IRF5: variants seen among roughly 807,000 people sequenced by gnomAD.
The protein encoded by IRF5 is interferon regulatory factor 5.
Under a neutral mutation model 55.1 loss-of-function variants are expected in IRF5, and 24 were observed. That is an observed-to-expected ratio of 0.44 (90% CI 0.32 to 0.61). The LOEUF (loss-of-function observed/expected upper bound fraction) is 0.61. Ranked by LOEUF, IRF5 falls within the 20% of genes least tolerant of loss-of-function variation. The pLI, the probability that IRF5 is intolerant of heterozygous loss-of-function variation, is 0.07. For missense variants in IRF5, 499 were observed against 658.5 expected (o/e 0.76, Z 2.65); for synonymous variants, 258 against 260.2 (o/e 0.99, Z 0.08).
chr7:128,946,185 C>T lies in IRF5; in HGVS notation c.385+151C>T. ...GGGGGCTCCCGCTAGGTCATGACAC[C>T]CAGGGCTTCCAGGAGTGGCTGGGAT... On this transcript the variant is annotated intron_variant, in intron 3 of 8. Coordinates refer to ENST00000357234, the MANE Select transcript of IRF5 (RefSeq NM_001098629.3). The surrounding 1 kb of genome is among the most constrained non-coding windows in gnomAD (Gnocchi z 4.2). 1.3e-6 allele frequency: 1 copy of T among 767,704 alleles called. No homozygotes were observed. The highest frequency in any genetic ancestry group is 2.8e-5 in the East Asian group (1 of 36,282). 47.6% of individuals were successfully genotyped at this position (767,704 alleles called of 1,614,324 possible). A position where few individuals can be genotyped will look rare whatever the true frequency, so the allele number is the denominator to read the frequency against.
At position 128,948,958 on chromosome 7, in the gene IRF5, G is replaced by A. The variant is rs909113180; in HGVS notation, c.*140G>A. The A allele has an allele frequency of 2.8e-6, 3 of 1,062,586 alleles. No homozygotes were observed. Among genetic ancestry groups the A allele is most frequent in the African/African-American group, 3.2e-5 (2 of 62,706 alleles). 65.8% of individuals were successfully genotyped at this position (1,062,586 alleles called of 1,614,324 possible). The stretch of plus-strand genomic sequence containing the variant: ...CCTGGAAGTGGATTTGGGCCAAGAA[G>A]GAGAGGGAGAAAGGCCCGAGCCCCT... On this transcript the variant is annotated 3_prime_UTR_variant, in exon 9 of 9. Coordinates refer to ENST00000357234, the MANE Select transcript of IRF5 (RefSeq NM_001098629.3). This position sits in a 1 kb window ranked among gnomAD's most constrained non-coding sequence, Gnocchi z 4.6.
chr7:128,941,125 G>A (rs190381520), intron 1 of IRF5, among the ~76,000 whole-genome samples: 31 of 152,336 alleles, frequency 2.0e-4, no homozygotes, highest in African/African-American at 6.5e-4. Context: ...GAGAGTTTCC[G>A]GTTCTGGGCT....
rs1247413134 is a variant in IRF5, at chr7:128,948,732, T to C, written c.1459T>C (p.Leu487=). ...LHHIWQSQQR[L]QPVAQAPPGA... ...TCACATCTGGCAGTCCCAGCAGCGG[T>C]TGCAGCCTGTGGCCCAGGCCCCTCC... The change falls in exon 9 of 9, where the codon TTG becomes CTG. Residue 487 remains leucine, a synonymous_variant. Coordinates refer to ENST00000357234, the MANE Select transcript of IRF5 (RefSeq NM_001098629.3). This position sits in a 1 kb window ranked among gnomAD's most constrained non-coding sequence, Gnocchi z 4.6. 2 of 1,613,570 alleles carry C rather than the reference T, an allele frequency of 1.2e-6. No homozygotes were observed. Among genetic ancestry groups the C allele is most frequent in the African/African-American group, 1.3e-5 (1 of 74,946 alleles).
In IRF5 at chr7:128,947,944, G is replaced by A. The variant is rs1053330362; in HGVS notation, c.1003G>A (p.Asp335Asn). 1.2e-5 allele frequency: 20 copies of A among 1,614,018 alleles called. No individual in the cohort carries two copies. Among genetic ancestry groups the A allele is most frequent in the Non-Finnish European group, 1.5e-5 (18 of 1,180,042 alleles). Residue 335 changes from aspartate (D) to asparagine (N), a missense_variant, in exon 7 of 9, where the codon GAT becomes AAT. Physicochemically the swap from Asp to Asn is conservative, Grantham distance 23. Transcript: ENST00000357234. This position sits in a 1 kb window ranked among gnomAD's most constrained non-coding sequence, Gnocchi z 6.5. Reference protein sequence around the residue: ...KQRFYTNQLLDVLDRGLILQL... With the variant: ...KQRFYTNQLLNVLDRGLILQL... ...GCGCTTCTACACGAACCAGCTGCTGGATGTCCTGGACCGCGGGCTCATCCT... is the reference window on the plus strand; with the variant it reads ...GCGCTTCTACACGAACCAGCTGCTGAATGTCCTGGACCGCGGGCTCATCCT...
Position 128,948,331 on chromosome 7 carries a change from A to G in IRF5, c.1299+3A>G, listed in dbSNP as rs1192957457. 2 of 1,585,538 alleles carry G rather than the reference A, an allele frequency of 1.3e-6. No homozygotes were observed. Among genetic ancestry groups the G allele is most frequent in the East Asian group, 2.2e-5 (1 of 44,700 alleles). On this transcript the variant is annotated splice_donor_region_variant and intron_variant, in intron 8 of 8. Coordinates refer to ENST00000357234, the MANE Select transcript of IRF5 (RefSeq NM_001098629.3). The surrounding 1 kb of genome is among the most constrained non-coding windows in gnomAD (Gnocchi z 4.6). ...AGAAGAAGCTCATTACTGTACAGGT[A>G]CATCTCCCCTATCCCAAAGTCGGCC... is the stretch of plus-strand genomic sequence containing the variant.
rs1292846432 is a variant in IRF5 at position 128,947,370 on chromosome 7, C to T, written c.622C>T (p.Pro208Ser). The change falls in exon 6 of 9, where the codon CCC becomes TCC. Residue 208 changes from proline to serine, a missense_variant. Physicochemically the swap from Pro to Ser is moderately conservative, Grantham distance 74 (BLOSUM62 -1). Transcript: ENST00000357234. The surrounding 1 kb of genome is among the most constrained non-coding windows in gnomAD (Gnocchi z 6.5). Reference protein sequence around the residue: ...PTLQPPVVLGPPAPDPSPLAP... With the variant: ...PTLQPPVVLGSPAPDPSPLAP... Reference sequence around the variant, plus strand: ...TCTGCAGCCGCCCGTGGTGCTGGGTCCCCCTGCTCCAGACCCCAGCCCCCT... The same window carrying T: ...TCTGCAGCCGCCCGTGGTGCTGGGTTCCCCTGCTCCAGACCCCAGCCCCCT... 10 of 1,609,784 alleles carry T rather than the reference C, an allele frequency of 6.2e-6. No homozygotes were observed. The highest frequency in any genetic ancestry group is 1.7e-4 in the Middle Eastern group (1 of 6,034).
rs777185406 is a variant in IRF5, at chr7:128,948,311, A to C, written c.1282A>C (p.Lys428Gln). The C allele has an allele frequency of 8.7e-6, 14 of 1,608,288 alleles. No individual in the cohort carries two copies. The highest frequency in any genetic ancestry group is 1.3e-5 in the African/African-American group (1 of 74,298). ...EWPDRKPREK[K>Q]LITVQVVPVA... ...GCCTGACCGCAAACCCCGAGAGAAG[A>C]AGCTCATTACTGTACAGGTACATCT... The change falls in exon 8 of 9, where the codon AAG becomes CAG. Residue 428 changes from lysine to glutamine, a missense_variant. By Grantham distance (53) the Lys-to-Gln change is moderately conservative. Transcript: ENST00000357234. This position sits in a 1 kb window ranked among gnomAD's most constrained non-coding sequence, Gnocchi z 4.6.
At chr7:128,938,744 C>G (rs1795866440) in intron 1 of IRF5, among the ~76,000 whole-genome samples, 2 of 152,214 alleles carry the variant, frequency 1.3e-5, no homozygotes, top group South Asian at 4.1e-4. Context: ...TGTCCCAGAA[C>G]TTAAGAAGGC....
chr7:128,941,781 A>G (rs11761199), intron 1 of IRF5, among the ~76,000 whole-genome samples: 56,075 of 151,954 alleles, frequency 0.37, 11,593 homozygotes, highest in Middle Eastern at 0.51. Flanking sequence ...TCTCTGGCCA[A>G]CGGGCTGCTT....
In IRF5 at chr7:128,947,711, C is replaced by A; in HGVS notation, c.788-18C>A. 6.3e-7 allele frequency: 1 copy of A among 1,583,896 alleles called. No individual in the cohort carries two copies. The highest frequency in any genetic ancestry group is 1.1e-5 in the South Asian group (1 of 87,948). ...CGTGGGGCTCAAGGACGGGATGGGC[C>A]TGCCTTCTGCCCCACAGTGACCGAC... On this transcript the variant is annotated intron_variant, in intron 6 of 8. Coordinates refer to ENST00000357234, the MANE Select transcript of IRF5 (RefSeq NM_001098629.3). This position sits in a 1 kb window ranked among gnomAD's most constrained non-coding sequence, Gnocchi z 6.5.
Position 128,939,045 on chromosome 7 carries a change from G to A in IRF5, c.-12+996G>A, listed in dbSNP as rs1256173704. Among the ~76,000 whole-genome samples the A allele has an allele frequency of 4.0e-5, 6 of 150,740 alleles. No homozygotes were observed. In the East Asian group the frequency reaches 1.2e-3, roughly 30 times the overall value. On this transcript the variant is annotated intron_variant, in intron 1 of 8. Coordinates refer to ENST00000357234, the MANE Select transcript of IRF5 (RefSeq NM_001098629.3). ...CAGCGGAGCACGCGGGAGGGGTGGG[G>A]GCGGAGGGGAGGGGGGAGCAGGGGC...
At position 128,946,724 on chromosome 7, in the gene IRF5, C is replaced by A; in HGVS notation, c.447+162C>A. Reference sequence around the variant, plus strand: ...TTCTGAACGATAGGAGCACAGTCCCCACCTGCTCCTTCCCAGGGCATTGTC... The same window carrying A: ...TTCTGAACGATAGGAGCACAGTCCCAACCTGCTCCTTCCCAGGGCATTGTC... On this transcript the variant is annotated intron_variant, in intron 4 of 8. Transcript: ENST00000357234. This position sits in a 1 kb window ranked among gnomAD's most constrained non-coding sequence, Gnocchi z 4.2. 1.6e-6 allele frequency: 1 copy of A among 643,008 alleles called. No homozygotes were observed. The highest frequency in any genetic ancestry group is 2.8e-6 in the Non-Finnish European group (1 of 361,858). The allele number at this position is 643,008 out of a possible 1,614,324, so 39.8% of individuals were successfully genotyped here. A position where few individuals can be genotyped will look rare whatever the true frequency, so the allele number is the denominator to read the frequency against.
In IRF5 at chr7:128,947,807, G is replaced by A; in HGVS notation, c.866G>A (p.Arg289Gln). 6.2e-7 allele frequency: 1 copy of A among 1,613,644 alleles called. No homozygotes were observed. The highest frequency in any genetic ancestry group is 8.5e-7 in the Non-Finnish European group (1 of 1,179,886). Residue 289 changes from arginine (R) to glutamine (Q), a missense_variant, in exon 7 of 9, where the codon CGG becomes CAG. By Grantham distance (43) the Arg-to-Gln change is conservative (BLOSUM62 1). This residue lies in a region of IRF5 where 194 missense variants were observed against 318.3 expected (regional missense o/e 0.61). Coordinates refer to ENST00000357234, the MANE Select transcript of IRF5 (RefSeq NM_001098629.3). This position sits in a 1 kb window ranked among gnomAD's most constrained non-coding sequence, Gnocchi z 6.5. The part of the protein sequence containing the change: ...ALTISNPHGC[R>Q]LFYSQLEATQ... Reference sequence around the variant, plus strand: ...ACCATCAGCAACCCCCATGGCTGCCGGCTCTTCTACAGCCAGCTGGAGGCC... The same window carrying A: ...ACCATCAGCAACCCCCATGGCTGCCAGCTCTTCTACAGCCAGCTGGAGGCC...
chr7:128,947,778 C>T lies in IRF5; in HGVS notation c.837C>T (p.Ala279=). The change falls in exon 7 of 9, where the codon GCC becomes GCT. Residue 279 remains alanine (A), a synonymous_variant. Coordinates refer to ENST00000357234, the MANE Select transcript of IRF5 (RefSeq NM_001098629.3). The surrounding 1 kb of genome is among the most constrained non-coding windows in gnomAD (Gnocchi z 6.5). ...KFQYRGRPPR[A]LTISNPHGCR... ...AGTACCGGGGGCGGCCACCCCGGGC[C>T]CTCACCATCAGCAACCCCCATGGCT... The T allele has an allele frequency of 6.2e-7, 1 of 1,613,240 alleles. No homozygotes were observed. The highest frequency in any genetic ancestry group is 8.5e-7 in the Non-Finnish European group (1 of 1,179,810).
chr7:128,943,992 A>C (rs1796175627), intron 2 of IRF5, among the ~76,000 whole-genome samples: 1 of 152,194 alleles, frequency 6.6e-6, no homozygotes, highest in African/African-American at 2.4e-5. Context: ...TCACAGGCGC[A>C]AGCCACTGTG....
Position 128,948,413 on chromosome 7 carries a change from AG to A in IRF5, c.1299+88del. 1 of 1,460,692 alleles carries A rather than the reference AG, an allele frequency of 6.8e-7. No individual in the cohort carries two copies. 90.5% of individuals were successfully genotyped at this position (1,460,692 alleles called of 1,614,324 possible). A position where few individuals can be genotyped will look rare whatever the true frequency, so the allele number is the denominator to read the frequency against. On this transcript the variant is annotated intron_variant, in intron 8 of 8. Transcript: ENST00000357234. This position sits in a 1 kb window ranked among gnomAD's most constrained non-coding sequence, Gnocchi z 4.6. ...GGCCCTTGCCCCAGGCTGGAGGCTC[AG>A]GGCTCCCTGAGCAGTGTGAACTTGG...
intron 2 of IRF5, chr7:128,943,162 G>T: frequency 4.3e-6 from 1 of 231,564 alleles, no homozygotes; most frequent in South Asian, 3.9e-5. Context: ...ACCTCCTTGA[G>T]TAGCTGGGAT....
In IRF5 at chr7:128,942,198, A is replaced by T. The variant is rs1221498708; in HGVS notation, c.117A>T (p.Glu39Asp). The T allele has an allele frequency of 6.2e-7, 1 of 1,613,990 alleles. No homozygotes were observed. The highest frequency in any genetic ancestry group is 2.2e-5 in the East Asian group (1 of 44,882). Residue 39 changes from glutamate (E) to aspartate (D), a missense_variant, in exon 2 of 9, where the codon GAA becomes GAT. This residue lies in a region of IRF5 where 305 missense variants were observed against 340.2 expected (regional missense o/e 0.90). Transcript: ENST00000357234. Reference sequence around the variant, plus strand: ...CAGGGCTTCAATGGGTCAACGGGGAAAAGAAATTATTCTGCATCCCCTGGA... The same window carrying T: ...CAGGGCTTCAATGGGTCAACGGGGATAAGAAATTATTCTGCATCCCCTGGA... ...QYPGLQWVNG[E>D]KKLFCIPWRH... is the part of the protein sequence containing the mutation.
Position 128,948,798 on chromosome 7 carries a change from C to A in IRF5, c.1525C>A (p.His509Asn). The A allele has an allele frequency of 6.2e-7, 1 of 1,604,916 alleles. No homozygotes were observed. Among genetic ancestry groups the A allele is most frequent in the South Asian group, 1.1e-5 (1 of 91,068 alleles). The change falls in exon 9 of 9, where the codon CAC becomes AAC. Residue 509 changes from histidine (H) to asparagine (N), a missense_variant. Physicochemically the swap from His to Asn is moderately conservative, Grantham distance 68. Around this residue, in one of 2 missense-constraint regions of IRF5, gnomAD observed 194 missense variants for 318.3 expected, o/e 0.61. Transcript: ENST00000357234. This position sits in a 1 kb window ranked among gnomAD's most constrained non-coding sequence, Gnocchi z 4.6. ...LGVGQGPWPM[H>N]PAGMQ ...TGTTGGCCAGGGGCCCTGGCCTATG[C>A]ACCCAGCTGGCATGCAATAACAAGG... is the stretch of plus-strand genomic sequence containing the variant.
Sources: gnomAD v4.1 joint callset for allele counts (sites outside exome capture counted in the v4.1 genomes callset) on GRCh38, gnomAD v4.1.1 for gene constraint, gnomAD v4.1.1 regional missense constraint, Gnocchi (gnomAD v3.1) non-coding constraint, MANE v1.5 for transcripts, NCBI Gene and HGNC (gene_info 2026-07-23, HGNC 2026-07-21) for gene names.